S1PR5: variants seen among roughly 807,000 people sequenced by gnomAD.
The protein encoded by S1PR5 is sphingosine-1-phosphate receptor 5.
For synonymous variants in S1PR5, 307 were observed against 284.7 expected (o/e 1.08, Z -0.79); for missense variants, 583 against 571.7 (o/e 1.02, Z -0.20).
At position 10,513,165 on chromosome 19, in the gene S1PR5, GC is replaced by G. The variant is rs80304461; in HGVS notation, c.*649del. ...ATCATTGTTCCTGTGGCTCAGTGCA[GC>G]CCCCCTTCACCTTCTCTGGTTTTCA... On this transcript the variant is annotated 3_prime_UTR_variant, in exon 2 of 2. Transcript: ENST00000333430. 6.4e-6 allele frequency: 1 copy of G among 155,708 alleles called. No homozygotes were observed. The highest frequency in any genetic ancestry group is 1.4e-5 in the Non-Finnish European group (1 of 70,662). The allele number at this position is 155,708 out of a possible 1,614,324, so 9.6% of individuals were successfully genotyped here. A position where few individuals can be genotyped will look rare whatever the true frequency, so the allele number is the denominator to read the frequency against.
intron 1 of S1PR5, among the ~76,000 whole-genome samples, chr19:10,516,117 G>A (rs774018703): frequency 3.9e-5 from 6 of 152,018 alleles, no homozygotes; most frequent in Non-Finnish European, 5.9e-5. Context: ...ACAGAGTGAC[G>A]CAGGCAGAAA....
In S1PR5 at chr19:10,513,625, C is replaced by G. The variant is rs191863077; in HGVS notation, c.*190G>C. ...CATCACCGAGTTCTTTTCTGTGTTCCCAAGCAGAACGTCAATTCCACGAGG... is the reference window on the plus strand; with the variant it reads ...CATCACCGAGTTCTTTTCTGTGTTCGCAAGCAGAACGTCAATTCCACGAGG... On this transcript the variant is annotated 3_prime_UTR_variant, in exon 2 of 2. Coordinates refer to ENST00000333430, the MANE Select transcript of S1PR5 (RefSeq NM_030760.5). 42 of 735,108 alleles carry G rather than the reference C, an allele frequency of 5.7e-5. No individual in the cohort carries two copies. The African/African-American group carries it at 6.6e-4, about 12-fold the overall frequency. 45.5% of individuals were successfully genotyped at this position (735,108 alleles called of 1,614,324 possible). A position where few individuals can be genotyped will look rare whatever the true frequency, so the allele number is the denominator to read the frequency against.
At position 10,514,015 on chromosome 19, in the gene S1PR5, T is replaced by A. The variant is rs1403886516; in HGVS notation, c.997A>T (p.Ser333Cys). 1.2e-6 allele frequency: 2 copies of A among 1,608,834 alleles called. No homozygotes were observed. The highest frequency in any genetic ancestry group is 1.7e-5 in the Admixed American group (1 of 59,702). ...CGRHSCGRDP[S>C]GSQQSASAAE... ...GCGCTCGCCGACTGCTGGGAGCCAC[T>A]CGGGTCTCTGCCGCAGGAGTGGCGT... Residue 333 changes from serine (S) to cysteine (C), a missense_variant, in exon 2 of 2, where the codon AGT (serine) becomes TGT (cysteine). By Grantham distance (112) the Ser-to-Cys change is moderately radical. Coordinates refer to ENST00000333430, the MANE Select transcript of S1PR5 (RefSeq NM_030760.5).
Position 10,514,056 on chromosome 19 carries a change from C to T in S1PR5, c.956G>A (p.Arg319His), listed in dbSNP as rs561460706. The T allele has an allele frequency of 1.9e-6, 3 of 1,612,196 alleles. No individual in the cohort carries two copies. In the South Asian group the frequency reaches 3.3e-5, roughly 18 times the overall value. Residue 319 changes from arginine to histidine, a missense_variant, in exon 2 of 2, where the codon CGC becomes CAC. By Grantham distance (29) the Arg-to-His change is conservative (BLOSUM62 0). Coordinates refer to ENST00000333430, the MANE Select transcript of S1PR5 (RefSeq NM_030760.5). ...GGAGTGGCGTCCGCAGCAGACCAGG[C>T]GCAGGAGCGCGTGGCGCAGGTCGCG... Reference protein sequence around the residue: ...TNRDLRHALLRLVCCGRHSCG... With the variant: ...TNRDLRHALLHLVCCGRHSCG...
rs1369105274 is a variant in S1PR5 at position 10,514,783 on chromosome 19, T to C, written c.229A>G (p.Ser77Gly). ...FHAPMFLLLG[S>G]LTLSDLLAGA... ...GCCAGCAGATCCGACAACGTGAGGC[T>C]GCCCAGGAGCAGGAACATGGGAGCG... Residue 77 changes from serine to glycine, a missense_variant, in exon 2 of 2, where the codon AGC (serine) becomes GGC (glycine). Transcript: ENST00000333430. 6.2e-7 allele frequency: 1 copy of C among 1,613,166 alleles called. No individual in the cohort carries two copies.
chr19:10,513,477 T>C lies in S1PR5; in HGVS notation c.*338A>G. On this transcript the variant is annotated 3_prime_UTR_variant, in exon 2 of 2. Transcript: ENST00000333430. ...CCATTCCCTCATCCTGAAATGCTTT[T>C]CTTTTGGTCTTCCCAGGACAGAGGT... The C allele has an allele frequency of 2.0e-6, 1 of 493,588 alleles. No homozygotes were observed. Among genetic ancestry groups the C allele is most frequent in the Non-Finnish European group, 3.5e-6 (1 of 284,026 alleles). 30.6% of individuals were successfully genotyped at this position (493,588 alleles called of 1,614,324 possible).
chr19:10,515,751 G>C (rs543027756), intron 1 of S1PR5, among the ~76,000 whole-genome samples: 1 of 151,908 alleles, frequency 6.6e-6, no homozygotes, highest in Non-Finnish European at 1.5e-5. Context: ...CAACATAGGA[G>C]AACCCCGTTT....
rs1467782329 is a variant in S1PR5 at position 10,513,598 on chromosome 19, T to G, written c.*217A>C. On this transcript the variant is annotated 3_prime_UTR_variant, in exon 2 of 2. Coordinates refer to ENST00000333430, the MANE Select transcript of S1PR5 (RefSeq NM_030760.5). ...TTGTCACTGGAATCATCTCCATTAT[T>G]TCATCACCGAGTTCTTTTCTGTGTT... 2 of 635,360 alleles carry G rather than the reference T, an allele frequency of 3.1e-6. No individual in the cohort carries two copies. The highest frequency in any genetic ancestry group is 2.0e-5 in the South Asian group (1 of 49,860). 39.4% of individuals were successfully genotyped at this position (635,360 alleles called of 1,614,324 possible).
chr19:10,517,367 C>A (rs905959773), intron 1 of S1PR5, 31 bp downstream of exon 1: 2 of 985,556 alleles, frequency 2.0e-6, no homozygotes, highest in Non-Finnish European at 2.4e-6. Context: ...CCCAGCCCAG[C>A]GCCCCCAAAG....
Position 10,514,526 on chromosome 19 carries a change from C to G in S1PR5, c.486G>C (p.Ser162=). The change falls in exon 2 of 2, where the codon TCG becomes TCC. Residue 162 remains serine (S), a synonymous_variant. Coordinates refer to ENST00000333430, the MANE Select transcript of S1PR5 (RefSeq NM_030760.5). The part of the protein sequence containing the change: ...LAMAAAAWGV[S]LLLGLLPALG... ...GCGCTGGCAGGAGCCCGAGGAGCAG[C>G]GACACGCCCCAGGCCGCGGCTGCCA... 6.3e-7 allele frequency: 1 copy of G among 1,590,912 alleles called. No homozygotes were observed. The highest frequency in any genetic ancestry group is 8.5e-7 in the Non-Finnish European group (1 of 1,170,074).
chr19:10,514,723 C>T lies in S1PR5; in HGVS notation c.289G>A (p.Gly97Arg), dbSNP rs1204948088. Residue 97 changes from glycine (G) to arginine (R), a missense_variant, in exon 2 of 2, where the codon GGG (glycine) becomes AGG (arginine). Transcript: ENST00000333430. ...GGGGACAGTTTCAGCGTGAGCGGCCCCGACAGTAGGATGTTGGCGGCGTAG... is the reference window on the plus strand; with the variant it reads ...GGGGACAGTTTCAGCGTGAGCGGCCTCGACAGTAGGATGTTGGCGGCGTAG... ...AAYAANILLS[G>R]PLTLKLSPAL... 2.5e-6 allele frequency: 4 copies of T among 1,611,488 alleles called. 1 individual carries two copies. The South Asian group carries it at 4.4e-5, about 18-fold the overall frequency.
Position 10,513,636 on chromosome 19 carries a change from G to A in S1PR5, c.*179C>T. ...TCTTTTCTGTGTTCCCAAGCAGAACGTCAATTCCACGAGGGCACAGATTTT... is the reference window on the plus strand; with the variant it reads ...TCTTTTCTGTGTTCCCAAGCAGAACATCAATTCCACGAGGGCACAGATTTT... On this transcript the variant is annotated 3_prime_UTR_variant, in exon 2 of 2. Transcript: ENST00000333430. The A allele has an allele frequency of 1.2e-6, 1 of 804,912 alleles. No homozygotes were observed. 49.9% of individuals were successfully genotyped at this position (804,912 alleles called of 1,614,324 possible). A position where few individuals can be genotyped will look rare whatever the true frequency, so the allele number is the denominator to read the frequency against.
chr19:10,516,283 C>T (rs530288029), intron 1 of S1PR5, among the ~76,000 whole-genome samples: 1 of 152,162 alleles, frequency 6.6e-6, no homozygotes, highest in South Asian at 2.1e-4. Flanking sequence ...CCTGCCAAAA[C>T]CCCCTCATCC....
upstream of S1PR5, chr19:10,517,528 A>G (rs1489412164): frequency 2.0e-6 from 2 of 985,260 alleles, no homozygotes; most frequent in African/African-American, 3.5e-5. Context: ...GGCGGTCGCC[A>G]GCAGTTGCCC....
chr19:10,514,263 A>T lies in S1PR5; in HGVS notation c.749T>A (p.Leu250Gln), dbSNP rs778942897. 1 of 1,587,292 alleles carries T rather than the reference A, an allele frequency of 6.3e-7. No individual in the cohort carries two copies. Among genetic ancestry groups the T allele is most frequent in the South Asian group, 1.1e-5 (1 of 88,590 alleles). The change falls in exon 2 of 2, where the codon CTG (leucine) becomes CAG (glutamine). Residue 250 changes from leucine to glutamine, a missense_variant. Transcript: ENST00000333430. Reference protein sequence around the residue: ...ARRKPRSLALLRTLSVVLLAF... With the variant: ...ARRKPRSLALQRTLSVVLLAF... ...CAGGAGCACCACGCTGAGCGTGCGC[A>T]GCAAGGCCAGCGAGCGCGGCTTGCG...
In S1PR5 at chr19:10,515,119, CA is replaced by C. The variant is rs1915404414; in HGVS notation, c.-18-91del. ...TAAGTCGTGGGAAAGGGGCCCTACC[CA>C]CTGACCATCACCCCCTATACATGGT... is the stretch of plus-strand genomic sequence containing the variant. On this transcript the variant is annotated intron_variant, in intron 1 of 1. Transcript: ENST00000333430. 4.3e-5 allele frequency: 63 copies of C among 1,479,344 alleles called. No homozygotes were observed. The South Asian group carries it at 5.8e-4, about 14-fold the overall frequency. 91.6% of individuals were successfully genotyped at this position (1,479,344 alleles called of 1,614,324 possible). A position where few individuals can be genotyped will look rare whatever the true frequency, so the allele number is the denominator to read the frequency against.
intron 1 of S1PR5, among the ~76,000 whole-genome samples, chr19:10,516,834 G>C (rs191435716): frequency 2.8e-4 from 43 of 152,196 alleles, no homozygotes; most frequent in African/African-American, 9.6e-4. Context: ...GAAATGCTTC[G>C]TATCGAAGCA....
Position 10,513,545 on chromosome 19 carries a change from C to T in S1PR5, c.*270G>A. ...GTCACTACCTCTGCAGAGAGGTCTTCCCTGACCACCATCACCATCTCTGTC... is the reference window on the plus strand; with the variant it reads ...GTCACTACCTCTGCAGAGAGGTCTTTCCTGACCACCATCACCATCTCTGTC... On this transcript the variant is annotated 3_prime_UTR_variant, in exon 2 of 2. Transcript: ENST00000333430. The T allele has an allele frequency of 1.7e-6, 1 of 585,152 alleles. No individual in the cohort carries two copies. The highest frequency in any genetic ancestry group is 3.0e-6 in the Non-Finnish European group (1 of 335,740). 36.2% of individuals were successfully genotyped at this position (585,152 alleles called of 1,614,324 possible). A position where few individuals can be genotyped will look rare whatever the true frequency, so the allele number is the denominator to read the frequency against.
chr19:10,514,371 C>G lies in S1PR5; in HGVS notation c.641G>C (p.Arg214Pro). ...GTTGGCGCGTACCTGGCAGTAGATG[C>G]GCGCGTAGAGTGCACAGATAGCGGC... ...ILAAICALYARIYCQVRANAR... is the reference protein window; with the variant it reads ...ILAAICALYAPIYCQVRANAR... Residue 214 changes from arginine (R) to proline (P), a missense_variant, in exon 2 of 2, where the codon CGC becomes CCC. By Grantham distance (103) the Arg-to-Pro change is moderately radical. Coordinates refer to ENST00000333430, the MANE Select transcript of S1PR5 (RefSeq NM_030760.5). The G allele has an allele frequency of 6.3e-7, 1 of 1,590,140 alleles. No homozygotes were observed. Among genetic ancestry groups the G allele is most frequent in the Non-Finnish European group, 8.5e-7 (1 of 1,169,818 alleles).
Sources: gnomAD v4.1 joint callset for allele counts (sites outside exome capture counted in the v4.1 genomes callset) on GRCh38, gnomAD v4.1.1 for gene constraint, MANE v1.5 for transcripts, NCBI Gene and HGNC (gene_info 2026-07-23, HGNC 2026-07-21) for gene names.